FCHSD2: variants seen among roughly 807,000 people sequenced by gnomAD.
FCHSD2 encodes the protein FCH and double SH3 domains 2.
A neutral mutation model predicts 108.1 loss-of-function variants in FCHSD2; 38 were observed. The ratio of observed to expected loss-of-function variants is 0.35; its 90% CI spans 0.27 to 0.46. The LOEUF is 0.46. Ranked by LOEUF, FCHSD2 falls within the 20% of genes least tolerant of loss-of-function variation. The pLI, the probability that FCHSD2 is intolerant of heterozygous loss-of-function variation, is 1.00. For synonymous variants in FCHSD2, 279 were observed against 314.7 expected (o/e 0.89, Z 1.20); for missense variants, 751 against 897.8 (o/e 0.84, Z 2.09).
chr11:72,929,409 A>G (rs1046436588), intron 8 of FCHSD2, among the ~76,000 whole-genome samples: 2 of 152,232 alleles, frequency 1.3e-5, no homozygotes, highest in African/African-American at 4.8e-5. Context: ...TAACCTGCAC[A>G]TGAACTCATT....
chr11:72,896,460 G>A (rs1447730676), intron 10 of FCHSD2, among the ~76,000 whole-genome samples: 2 of 152,150 alleles, frequency 1.3e-5, no homozygotes, highest in Admixed American at 6.5e-5. Flanking sequence ...ACTAGTTCTG[G>A]TAATGAAAGG....
At chr11:73,080,115 A>T (rs2135510265) in intron 3 of FCHSD2, among the ~76,000 whole-genome samples, 1 of 152,014 alleles carries the variant, frequency 6.6e-6, no homozygotes, top group African/African-American at 2.4e-5. Flanking sequence ...CCTGGGCAAC[A>T]TAGTAAGACC....
intron 8 of FCHSD2, among the ~76,000 whole-genome samples, chr11:72,945,208 C>T (rs1454191974): frequency 6.6e-6 from 1 of 152,160 alleles, no homozygotes; most frequent in African/African-American, 2.4e-5. Flanking sequence ...GAGATATAGA[C>T]CAATGGAACA....
At chr11:73,138,317 C>T (rs1005630405) in intron 2 of FCHSD2, among the ~76,000 whole-genome samples, 3 of 152,176 alleles carry the variant, frequency 2.0e-5, no homozygotes, top group Non-Finnish European at 4.4e-5. Context: ...ACTGCAGTGT[C>T]CATATTCTTG....
At chr11:72,923,421 T>G (rs1018783829) in intron 8 of FCHSD2, among the ~76,000 whole-genome samples, 2 of 152,190 alleles carry the variant, frequency 1.3e-5, no homozygotes, top group Non-Finnish European at 2.9e-5. Flanking sequence ...ACTAGCAATG[T>G]ATGAGGGTTC....
intron 3 of FCHSD2, 42 bp from the exon 4 acceptor site, chr11:73,015,927 C>A: frequency 2.7e-6 from 3 of 1,110,782 alleles, no homozygotes; most frequent in East Asian, 2.6e-5. Flanking sequence ...AATATTATGC[C>A]ATAAAGGAAG....
intron 2 of FCHSD2, among the ~76,000 whole-genome samples, chr11:73,088,806 G>A (rs1859885909): frequency 1.3e-5 from 2 of 151,974 alleles, no homozygotes; most frequent in Admixed American, 1.3e-4. Context: ...CCTCTAAAAA[G>A]CCTATCTATA....
intron 3 of FCHSD2, among the ~76,000 whole-genome samples, chr11:73,051,661 T>G (rs1858900357): frequency 6.6e-6 from 1 of 152,154 alleles, no homozygotes; most frequent in Non-Finnish European, 1.5e-5. Context: ...TCTGCAGAGA[T>G]GTACTGGCTA....
chr11:73,140,828 G>C (rs1176888418), intron 1 of FCHSD2, among the ~76,000 whole-genome samples: 1 of 151,292 alleles, frequency 6.6e-6, no homozygotes, highest in Non-Finnish European at 1.5e-5. Flanking sequence ...CCGCCAGGCC[G>C]GGGCCCCAGG....
At chr11:72,967,895 T>C (rs895546452) in intron 8 of FCHSD2, among the ~76,000 whole-genome samples, 2 of 151,746 alleles carry the variant, frequency 1.3e-5, no homozygotes, top group Non-Finnish European at 2.9e-5. Flanking sequence ...ATTGAGACCA[T>C]CCTGGCTAAC....
intron 8 of FCHSD2, among the ~76,000 whole-genome samples, chr11:72,950,646 AG>A (rs1461428948): frequency 1.3e-5 from 2 of 151,964 alleles, no homozygotes; most frequent in Non-Finnish European, 2.9e-5. Flanking sequence ...ATGTATGATT[AG>A]TAGTCTTTTG....
At chr11:72,969,759 A>C (rs1856975057) in intron 8 of FCHSD2, among the ~76,000 whole-genome samples, 1 of 152,394 alleles carries the variant, frequency 6.6e-6, no homozygotes, top group South Asian at 2.1e-4. Flanking sequence ...AATAGAGTTC[A>C]GCAAACTCCA....
At chr11:72,858,947 G>C (rs117337119) in intron 13 of FCHSD2, among the ~76,000 whole-genome samples, 6,745 of 152,238 alleles carry the variant, frequency 0.044, 189 homozygotes, top group Non-Finnish European at 0.07. Context: ...AGTGATCCCT[G>C]GGGGATGGGA....
chr11:72,945,970 T>C (rs1565335965), intron 8 of FCHSD2, among the ~76,000 whole-genome samples: 2 of 152,172 alleles, frequency 1.3e-5, no homozygotes, highest in Admixed American at 6.5e-5. Context: ...AGTTCAACCA[T>C]TGTGGAAGTC....
At chr11:73,133,203 A>G (rs977233468) in intron 2 of FCHSD2, among the ~76,000 whole-genome samples, 1 of 152,226 alleles carries the variant, frequency 6.6e-6, no homozygotes. Flanking sequence ...TTTGGAAAAC[A>G]GTTTGAAAGT....
rs770278647 is a variant in FCHSD2, at chr11:72,921,905, C to A, written c.751G>T (p.Ala251Ser). ...VYDHLKDYLI[A>S]FSRTELETCQ... ...GTTTCTAGCTCAGTCCGGCTGAAGG[C>A]TATTAAATAATCCTTGAGATGATCA... The change falls in exon 9 of 20, where the codon GCC becomes TCC. Residue 251 changes from alanine (A) to serine (S), a missense_variant. Physicochemically the swap from Ala to Ser is moderately conservative, Grantham distance 99. Coordinates refer to ENST00000409418, the MANE Select transcript of FCHSD2 (RefSeq NM_014824.3). 4 of 1,601,952 alleles carry A rather than the reference C, an allele frequency of 2.5e-6. No individual in the cohort carries two copies. The African/African-American group carries it at 5.4e-5, about 21-fold the overall frequency.
At chr11:73,011,941 C>T (rs1857872469) in intron 4 of FCHSD2, among the ~76,000 whole-genome samples, 1 of 152,014 alleles carries the variant, frequency 6.6e-6, no homozygotes, top group South Asian at 2.1e-4. Context: ...TACGAAGTGC[C>T]CCTAGTCAGC....
intron 5 of FCHSD2, among the ~76,000 whole-genome samples, chr11:72,998,726 T>C (rs1857566994): frequency 6.6e-6 from 1 of 152,188 alleles, no homozygotes; most frequent in African/African-American, 2.4e-5. Context: ...GATTGCTTAA[T>C]ATCACCAACC....
intron 12 of FCHSD2, among the ~76,000 whole-genome samples, chr11:72,885,109 T>C (rs2135241430): frequency 6.6e-6 from 1 of 152,346 alleles, no homozygotes; most frequent in Non-Finnish European, 1.5e-5. Flanking sequence ...TTGAAGACTC[T>C]CATGGTCTAG....
Sources: allele counts gnomAD v4.1 joint callset (sites outside exome capture counted in the v4.1 genomes callset), GRCh38; gene constraint gnomAD v4.1.1; transcripts MANE v1.5; gene names NCBI Gene and HGNC (gene_info 2026-07-23, HGNC 2026-07-21).